FAM20B: variants seen among roughly 807,000 people sequenced by gnomAD.
FAM20B encodes the protein glycosaminoglycan xylosylkinase.
A neutral mutation model predicts 43.8 loss-of-function variants in FAM20B; 23 were observed. That is an observed-to-expected ratio of 0.53 (90% CI 0.38 to 0.74). The LOEUF is 0.74. FAM20B is among the 30% of genes least tolerant of loss of function. FAM20B has a pLI of 0.00. For missense variants in FAM20B, 440 were observed against 510.5 expected, an observed-to-expected ratio of 0.86 and a Z score of 1.33; for synonymous variants, 178 against 192.4, an observed-to-expected ratio of 0.93 and a Z score of 0.62.
Position 179,055,475 on chromosome 1 carries a change from A to G in FAM20B, c.574+837A>G, listed in dbSNP as rs533384494. Among the ~76,000 whole-genome samples, 8 of 152,336 alleles carry G rather than the reference A, an allele frequency of 5.3e-5. No homozygotes were observed. In the East Asian group the frequency reaches 1.5e-3, roughly 29 times the overall value. ...TATTTAAAGGACTTATGACAGATTC[A>G]TCATTCAGAATTTCAACTTATAAGG... On this transcript the variant is annotated intron_variant, in intron 4 of 7. Coordinates refer to ENST00000263733, the MANE Select transcript of FAM20B (RefSeq NM_014864.4).
chr1:179,036,462 G>A (rs1028388742), intron 1 of FAM20B, among the ~76,000 whole-genome samples: 4 of 152,166 alleles, frequency 2.6e-5, no homozygotes, highest in Non-Finnish European at 4.4e-5. Context: ...AGCATGTATC[G>A]GAGGAGCTGA....
At chr1:179,051,602 G>A (rs1210733721) in intron 3 of FAM20B, among the ~76,000 whole-genome samples, 1 of 152,128 alleles carries the variant, frequency 6.6e-6, no homozygotes, top group African/African-American at 2.4e-5. Flanking sequence ...ACTCCAGCCT[G>A]AGCAACAGAG....
chr1:179,017,985 T>C, the FAM20B span, among the ~76,000 whole-genome samples: 1 of 152,134 alleles, frequency 6.6e-6, no homozygotes. Flanking sequence ...AACTTTGCCT[T>C]TTCTTGAGTA....
chr1:179,022,631 G>A (rs1468980552), upstream of FAM20B, among the ~76,000 whole-genome samples: 1 of 152,204 alleles, frequency 6.6e-6, no homozygotes, highest in Non-Finnish European at 1.5e-5. Flanking sequence ...TGCTTACAAT[G>A]ATGAAGGAAC....
At chr1:179,049,832 G>A (rs1015389638) in intron 2 of FAM20B, among the ~76,000 whole-genome samples, 2 of 152,190 alleles carry the variant, frequency 1.3e-5, no homozygotes, top group Admixed American at 1.3e-4. Flanking sequence ...GTGAGCCACC[G>A]TGCCTGGCCA....
rs558902167 is a variant in FAM20B at position 179,070,086 on chromosome 1, C to T, written c.999-1827C>T. Among the ~76,000 whole-genome samples the T allele has an allele frequency of 4.6e-4, 70 of 152,210 alleles. 1 individual carries two copies. In the South Asian group the frequency reaches 0.014, roughly 31 times the overall value. ...TTTGAGATGGAGTCTCGCTCTGTTG[C>T]CCAGGCTGGAGTGCAGTGGCGCGAT... On this transcript the variant is annotated intron_variant, in intron 7 of 7. Transcript: ENST00000263733.
chr1:179,032,197 A>G (rs1327027185), intron 1 of FAM20B, among the ~76,000 whole-genome samples: 1 of 151,092 alleles, frequency 6.6e-6, no homozygotes, highest in Non-Finnish European at 1.5e-5. Flanking sequence ...TTTCTTTGTC[A>G]TTTTTCTCCT....
intron 1 of FAM20B, among the ~76,000 whole-genome samples, chr1:179,039,309 C>G (rs1650379919): frequency 6.6e-6 from 1 of 152,148 alleles, no homozygotes; most frequent in African/African-American, 2.4e-5. Context: ...TCTTGACACC[C>G]TTGCAAAAAT....
chr1:179,018,794 T>C, the FAM20B span, among the ~76,000 whole-genome samples: 1 of 152,172 alleles, frequency 6.6e-6, no homozygotes, highest in African/African-American at 2.4e-5. Flanking sequence ...TGTATACATA[T>C]ATCTCTAGAA....
In FAM20B at chr1:179,076,521, T is replaced by G. The variant is rs1652134636; in HGVS notation, c.*4377T>G. On this transcript the variant is annotated 3_prime_UTR_variant, in exon 8 of 8. Coordinates refer to ENST00000263733, the MANE Select transcript of FAM20B (RefSeq NM_014864.4). ...TAAATTTCTAATGTGTTCTATGGGT[T>G]TCAATTCTGAAAAAAGAAAATGAAT... The G allele has an allele frequency of 6.6e-6, 1 of 152,606 alleles. No individual in the cohort carries two copies. Among genetic ancestry groups the G allele is most frequent in the Admixed American group, 6.5e-5 (1 of 15,274 alleles). The allele number at this position is 152,606 out of a possible 1,614,324, so 9.5% of individuals were successfully genotyped here. A position where few individuals can be genotyped will look rare whatever the true frequency, so the allele number is the denominator to read the frequency against.
At chr1:179,022,384 A>T (rs2102472770), upstream of FAM20B, among the ~76,000 whole-genome samples, 1 of 151,988 alleles carries the variant, frequency 6.6e-6, no homozygotes, top group East Asian at 1.9e-4. Context: ...TTGATGTAGA[A>T]TTAATTTAAT....
intron 7 of FAM20B, among the ~76,000 whole-genome samples, chr1:179,069,120 G>A (rs574602640): frequency 4.6e-5 from 7 of 152,200 alleles, no homozygotes; most frequent in South Asian, 2.1e-4. Flanking sequence ...AGAGGGCCTC[G>A]GGAGAGTTAT....
chr1:179,045,278 G>A (rs190952363), intron 2 of FAM20B, among the ~76,000 whole-genome samples: 5 of 152,226 alleles, frequency 3.3e-5, no homozygotes, highest in East Asian at 1.9e-4. Context: ...TTCTTTTGCC[G>A]GGAGTTAGTT....
chr1:179,032,332 T>TGCACAACACA, intron 1 of FAM20B, among the ~76,000 whole-genome samples: 1 of 140,348 alleles, frequency 7.1e-6, no homozygotes, highest in South Asian at 2.3e-4. Context: ...TTTTTTTTTT[T>TGCACAACACA]TTTTTTTGAG....
In FAM20B at chr1:179,037,475, C is replaced by T. The variant is rs895216432; in HGVS notation, c.-133-6240C>T. On this transcript the variant is annotated intron_variant, in intron 1 of 7. Coordinates refer to ENST00000263733, the MANE Select transcript of FAM20B (RefSeq NM_014864.4). ...GTTTGCTTGCTTGCTTTCTGTATGT[C>T]GGTCTTTTTTTTTTTTTTTTTTTTT... Among the ~76,000 whole-genome samples, 191 of 116,760 alleles carry T rather than the reference C, an allele frequency of 1.6e-3. 3 individuals carry two copies. Among genetic ancestry groups the T allele is most frequent in the East Asian group, 1.7e-3 (7 of 4,086 alleles). 76.6% of individuals were successfully genotyped at this position (116,760 alleles called of 152,430 possible).
intron 3 of FAM20B, among the ~76,000 whole-genome samples, chr1:179,053,365 G>A (rs1651087358): frequency 6.6e-6 from 1 of 152,110 alleles, no homozygotes; most frequent in Non-Finnish European, 1.5e-5. Context: ...GAGCCCAGGA[G>A]TTCCAGGCTG....
At chr1:179,022,209 G>A (rs534402939), upstream of FAM20B, among the ~76,000 whole-genome samples, 105 of 152,342 alleles carry the variant, frequency 6.9e-4, no homozygotes, top group Non-Finnish European at 1.3e-3. Context: ...GCCCAATGCA[G>A]AGAACAAACC....
At chr1:179,024,591 A>G (rs1048167670), upstream of FAM20B, among the ~76,000 whole-genome samples, 2 of 152,138 alleles carry the variant, frequency 1.3e-5, no homozygotes, top group African/African-American at 4.8e-5. Flanking sequence ...CAAACCTCCA[A>G]ACCTTTTCAA....
chr1:179,041,640 G>C (rs899157885), intron 1 of FAM20B, among the ~76,000 whole-genome samples: 1 of 123,420 alleles, frequency 8.1e-6, no homozygotes, highest in Non-Finnish European at 1.7e-5. Flanking sequence ...GGGAGACCGT[G>C]GGGAGACGGG....
Sources: gnomAD v4.1 joint callset for allele counts (sites outside exome capture counted in the v4.1 genomes callset) on GRCh38, gnomAD v4.1.1 for gene constraint, MANE v1.5 for transcripts, NCBI Gene and HGNC (gene_info 2026-07-23, HGNC 2026-07-21) for gene names.